The following STK32A variants were observed in gnomAD, a reference collection of about 807,000 sequenced individuals.
STK32A encodes the protein serine/threonine-protein kinase 32A.
A neutral mutation model predicts 53.2 loss-of-function variants in STK32A; 41 were observed. The observed-to-expected ratio is 0.77, with a 90% CI of 0.60 to 1.00. The LOEUF (loss-of-function observed/expected upper bound fraction) is 1.00. Ranked by LOEUF, STK32A falls within the 50% of genes least tolerant of loss-of-function variation. The pLI is 0.00. For missense variants in STK32A, 458 were observed against 485.8 expected (o/e 0.94, Z 0.54); for synonymous variants, 166 against 162.8 (o/e 1.02, Z -0.15).
intron 5 of STK32A, chr5:147,342,796 T>G (rs1043178154): frequency 3.7e-6 from 2 of 545,388 alleles, no homozygotes; most frequent in South Asian, 2.7e-5. Context: ...TACTAGCCTG[T>G]GACCTTGGGT....
downstream of STK32A, chr5:147,391,568 C>T (rs925095615): frequency 6.6e-6 from 1 of 152,388 alleles, no homozygotes; most frequent in African/African-American, 2.4e-5. Context: ...CCTTCCTACA[C>T]TTGCATGAGG....
At chr5:147,343,684 C>G (rs567575182) in intron 6 of STK32A, among the ~76,000 whole-genome samples, 2 of 152,184 alleles carry the variant, frequency 1.3e-5, no homozygotes, top group East Asian at 3.9e-4. Context: ...GGTTTCTCCC[C>G]TTGGAAAGGA....
At position 147,278,192 on chromosome 5, in the gene STK32A, T is replaced by C. The variant is rs760745452; in HGVS notation, c.108+13T>C. 1.3e-6 allele frequency: 2 copies of C among 1,588,538 alleles called. No individual in the cohort carries two copies. The highest frequency in any genetic ancestry group is 1.7e-6 in the Non-Finnish European group (2 of 1,165,800). Reference sequence around the variant, plus strand: ...CAGTTTTGGGAAGGTGAGAACAAATTGAAATGATTAACCACCAGCAGGGTT... The same window carrying C: ...CAGTTTTGGGAAGGTGAGAACAAATCGAAATGATTAACCACCAGCAGGGTT... On this transcript the variant is annotated intron_variant, in intron 3 of 12. Transcript: ENST00000397936.
intron 2 of STK32A, among the ~76,000 whole-genome samples, chr5:147,256,006 C>T (rs1425073727): frequency 6.6e-6 from 1 of 152,104 alleles, no homozygotes; most frequent in African/African-American, 2.4e-5. Flanking sequence ...GATGAAATGT[C>T]AGGGTGAAAG....
chr5:147,247,145 T>A (rs1753795711), intron 2 of STK32A, among the ~76,000 whole-genome samples: 1 of 152,234 alleles, frequency 6.6e-6, no homozygotes, highest in African/African-American at 2.4e-5. Context: ...ACTTCAAGCC[T>A]ACTATCTTCA....
At chr5:147,241,595 T>TAGTAGAGTTCTACAGAAAAGTAA (rs1753586563) in intron 2 of STK32A, among the ~76,000 whole-genome samples, 1 of 152,246 alleles carries the variant, frequency 6.6e-6, no homozygotes, top group Non-Finnish European at 1.5e-5. Flanking sequence ...TTCTACAGAA[T>TAGTAGAGTTCTACAGAAAAGTAA]AGTTCATAGG....
At chr5:147,322,858 G>A (rs1754385463) in intron 4 of STK32A, among the ~76,000 whole-genome samples, 1 of 152,082 alleles carries the variant, frequency 6.6e-6, no homozygotes, top group African/African-American at 2.4e-5. Flanking sequence ...TGAAGCCCAT[G>A]TCTGATCCTG....
chr5:147,248,924 A>G (rs1037426086), intron 2 of STK32A, among the ~76,000 whole-genome samples: 3 of 145,358 alleles, frequency 2.1e-5, no homozygotes, highest in African/African-American at 7.8e-5. Flanking sequence ...TGATGAAGTA[A>G]TTTTTTTTTA....
rs562011408 is a variant in STK32A at position 147,328,488 on chromosome 5, G to A, written c.434+4417G>A. On this transcript the variant is annotated intron_variant, in intron 5 of 12. Coordinates refer to ENST00000397936, the MANE Select transcript of STK32A (RefSeq NM_001112724.2). ...CTATCGTTGTTAAAGACACAGGGTT[G>A]CATAATAACCATTAAGTTTGAATTG... 9.1e-4 allele frequency among the ~76,000 whole-genome samples: 139 copies of A among 152,286 alleles called. 1 individual carries two copies. Among genetic ancestry groups the A allele is most frequent in the South Asian group, 1.9e-3 (9 of 4,830 alleles).
the STK32A span, among the ~76,000 whole-genome samples, chr5:147,398,606 T>G: frequency 6.6e-6 from 1 of 152,214 alleles, no homozygotes; most frequent in East Asian, 1.9e-4. Context: ...CATGTGAAAC[T>G]CATCGTGAAG....
intron 4 of STK32A, among the ~76,000 whole-genome samples, chr5:147,320,692 G>A (rs1754269022): frequency 6.6e-6 from 1 of 152,220 alleles, no homozygotes; most frequent in Admixed American, 6.5e-5. Flanking sequence ...AGGCTTCTGT[G>A]AGAAGTGACA....
chr5:147,360,951 G>A (rs993817079), intron 7 of STK32A, among the ~76,000 whole-genome samples: 1 of 152,156 alleles, frequency 6.6e-6, no homozygotes, highest in African/African-American at 2.4e-5. Flanking sequence ...CAGTTACAAA[G>A]TGTAAAGAAC....
chr5:147,255,445 G>A (rs934866706), intron 2 of STK32A, among the ~76,000 whole-genome samples: 6 of 152,086 alleles, frequency 3.9e-5, no homozygotes, highest in African/African-American at 1.2e-4. Flanking sequence ...CACCTATTAC[G>A]GCTGCGAGGG....
At chr5:147,401,059 A>G in the STK32A span, among the ~76,000 whole-genome samples, 1 of 152,186 alleles carries the variant, frequency 6.6e-6, no homozygotes, top group Non-Finnish European at 1.5e-5. Context: ...TCTCTTTTGT[A>G]GCAAAATAAA....
chr5:147,371,326 A>G (rs183503891), intron 9 of STK32A, among the ~76,000 whole-genome samples: 10 of 152,314 alleles, frequency 6.6e-5, no homozygotes, highest in Admixed American at 5.9e-4. Context: ...AGATTAAAAT[A>G]ATTTTGTGGT....
chr5:147,373,313 A>G lies in STK32A; in HGVS notation c.903+19A>G, dbSNP rs770514103. 9.9e-6 allele frequency: 16 copies of G among 1,612,512 alleles called. No homozygotes were observed. The highest frequency in any genetic ancestry group is 1.4e-5 in the Non-Finnish European group (16 of 1,179,200). ...TCCTAATGTGAGTCAATCCTAACAAAGCCAAATAACTCCCATTCAGTGCGC... is the reference window on the plus strand; with the variant it reads ...TCCTAATGTGAGTCAATCCTAACAAGGCCAAATAACTCCCATTCAGTGCGC... On this transcript the variant is annotated intron_variant, in intron 10 of 12. Coordinates refer to ENST00000397936, the MANE Select transcript of STK32A (RefSeq NM_001112724.2).
chr5:147,395,542 G>A, the STK32A span: 8 of 1,601,548 alleles, frequency 5.0e-6, no homozygotes, highest in African/African-American at 2.7e-5. Context: ...ATCTTTTGAT[G>A]AGCCTGTCCC....
chr5:147,317,191 T>G (rs1262454248), intron 4 of STK32A, among the ~76,000 whole-genome samples: 1 of 150,982 alleles, frequency 6.6e-6, no homozygotes, highest in African/African-American at 2.4e-5. Flanking sequence ...AGCCTCTAGA[T>G]CTAACCACCA....
chr5:147,375,187 A>C lies in STK32A; in HGVS notation c.1001A>C (p.Glu334Ala). The C allele has an allele frequency of 6.2e-7, 1 of 1,611,188 alleles. No homozygotes were observed. Among genetic ancestry groups the C allele is most frequent in the Non-Finnish European group, 8.5e-7 (1 of 1,178,700 alleles). The change falls in exon 11 of 13, where the codon GAG (glutamate) becomes GCG (alanine). Residue 334 changes from glutamate to alanine, a missense_variant. Coordinates refer to ENST00000397936, the MANE Select transcript of STK32A (RefSeq NM_001112724.2). ...AAAAAAAAGCGTCTGGCAAAGAAGGAGAAGGATATGAGGAAATGCGATTCT... is the reference window on the plus strand; with the variant it reads ...AAAAAAAAGCGTCTGGCAAAGAAGGCGAAGGATATGAGGAAATGCGATTCT... ...HKKKKRLAKK[E>A]KDMRKCDSSQ...
Sources: allele counts gnomAD v4.1 joint callset (sites outside exome capture counted in the v4.1 genomes callset), GRCh38; gene constraint gnomAD v4.1.1; transcripts MANE v1.5; gene names NCBI Gene and HGNC (gene_info 2026-07-23, HGNC 2026-07-21).